MTUS2: variants seen among roughly 807,000 people sequenced by gnomAD.
MTUS2 encodes microtubule associated scaffold protein 2.
MTUS2 carries 40 observed loss-of-function variants against 114.1 expected under a neutral mutation model. The observed-to-expected ratio is 0.35, with a 90% CI of 0.27 to 0.46. The LOEUF (loss-of-function observed/expected upper bound fraction) is 0.46. MTUS2 is among the 20% of genes least tolerant of loss of function. MTUS2 has a pLI of 1.00. For missense variants in MTUS2, 1,679 were observed against 1,705.4 expected, an observed-to-expected ratio of 0.98 and a Z score of 0.27; for synonymous variants, 688 against 672.0, an observed-to-expected ratio of 1.02 and a Z score of -0.37.
chr13:28,995,836 C>T (rs1237053390), intron 2 of MTUS2, among the ~76,000 whole-genome samples: 7 of 152,218 alleles, frequency 4.6e-5, no homozygotes, highest in African/African-American at 1.7e-4. Flanking sequence ...ATCATGTCAT[C>T]TGCAAACTGG....
intron 4 of MTUS2, among the ~76,000 whole-genome samples, chr13:29,071,139 G>C (rs1888904988): frequency 6.6e-6 from 1 of 151,584 alleles, no homozygotes; most frequent in African/African-American, 2.4e-5. Context: ...TGAGTAGCTG[G>C]GACTACAGGT....
At chr13:28,919,484 CT>C (rs1880926556) in intron 2 of MTUS2, among the ~76,000 whole-genome samples, 1 of 151,846 alleles carries the variant, frequency 6.6e-6, no homozygotes, top group South Asian at 2.1e-4. Flanking sequence ...TTTCCTGCTG[CT>C]TTTAGGATTT....
At chr13:29,245,732 T>C (rs943580376) in intron 5 of MTUS2, among the ~76,000 whole-genome samples, 4 of 149,234 alleles carry the variant, frequency 2.7e-5, no homozygotes, top group African/African-American at 9.9e-5. Flanking sequence ...AGTCTCGCTC[T>C]GTCACCCAGG....
chr13:29,272,018 C>G (rs547570013), intron 5 of MTUS2, among the ~76,000 whole-genome samples: 88 of 152,256 alleles, frequency 5.8e-4, no homozygotes, highest in African/African-American at 2.0e-3. Flanking sequence ...AACGTTTTCT[C>G]TGTGGTATCT....
intron 7 of MTUS2, among the ~76,000 whole-genome samples, chr13:29,327,443 C>T (rs956972737): frequency 2.6e-5 from 4 of 152,092 alleles, no homozygotes; most frequent in African/African-American, 7.2e-5. Context: ...CTGATCTGTT[C>T]TGTCACTAGA....
intron 5 of MTUS2, among the ~76,000 whole-genome samples, chr13:29,113,972 G>A (rs975149999): frequency 6.6e-6 from 1 of 152,054 alleles, no homozygotes; most frequent in African/African-American, 2.4e-5. Context: ...GAGTTCCCCC[G>A]AGGTCTGGTC....
intron 9 of MTUS2, among the ~76,000 whole-genome samples, chr13:29,477,390 T>C (rs17073508): frequency 0.017 from 2,579 of 152,300 alleles, 57 homozygotes; most frequent in African/African-American, 0.057. Context: ...GAATCCTGAT[T>C]ACTTTTTCTT....
At chr13:29,448,495 C>T (rs1368095342) in intron 9 of MTUS2, among the ~76,000 whole-genome samples, 2 of 151,964 alleles carry the variant, frequency 1.3e-5, no homozygotes, top group African/African-American at 4.8e-5. Context: ...TTTTTTTCCC[C>T]TTGGTGAGCT....
intron 5 of MTUS2, among the ~76,000 whole-genome samples, chr13:29,215,892 G>C (rs544703258): frequency 6.6e-6 from 1 of 152,336 alleles, no homozygotes; most frequent in East Asian, 1.9e-4. Context: ...TCCCTTAGCA[G>C]AGCTCGAGAA....
chr13:28,975,463 G>A (rs752810194), intron 2 of MTUS2, among the ~76,000 whole-genome samples: 1 of 18,274 alleles, frequency 5.5e-5, no homozygotes, highest in Non-Finnish European at 1.9e-4. Flanking sequence ...TTCCAATCTC[G>A]CCTGCGGCAG....
intron 7 of MTUS2, 65 bp downstream of exon 7, chr13:29,324,776 A>G (rs1900412074): frequency 3.2e-6 from 4 of 1,242,132 alleles, no homozygotes; most frequent in East Asian, 5.1e-5. Flanking sequence ...TCTTATTCAG[A>G]TGTCATTAAT....
At chr13:28,943,277 T>C (rs1002393187) in intron 2 of MTUS2, among the ~76,000 whole-genome samples, 4 of 152,230 alleles carry the variant, frequency 2.6e-5, no homozygotes, top group Non-Finnish European at 5.9e-5. Context: ...AAATTATTCA[T>C]TGGATAAACA....
intron 5 of MTUS2, chr13:29,239,493 GTCT>G (rs1172494018): frequency 2.0e-5 from 3 of 152,124 alleles, no homozygotes; most frequent in Non-Finnish European, 4.4e-5. Flanking sequence ...TGCACAATAT[GTCT>G]TCTTCTATTA....
intron 5 of MTUS2, among the ~76,000 whole-genome samples, chr13:29,275,698 G>C (rs755202458): frequency 1.1e-4 from 17 of 152,288 alleles, no homozygotes; most frequent in Non-Finnish European, 2.1e-4. Context: ...AAATGACAGG[G>C]CTCCATTCTT....
intron 6 of MTUS2, among the ~76,000 whole-genome samples, chr13:29,291,252 G>A (rs1351912003): frequency 6.6e-6 from 1 of 152,124 alleles, no homozygotes; most frequent in Non-Finnish European, 1.5e-5. Context: ...TGTTAACCCT[G>A]TGGTCTCCTC....
At chr13:29,475,204 G>A (rs907193721) in intron 9 of MTUS2, among the ~76,000 whole-genome samples, 1 of 152,200 alleles carries the variant, frequency 6.6e-6, no homozygotes. Context: ...TCTATCACCC[G>A]GTGACGTCAG....
chr13:29,306,069 C>T (rs1899437865), intron 6 of MTUS2, among the ~76,000 whole-genome samples: 1 of 152,134 alleles, frequency 6.6e-6, no homozygotes, highest in Non-Finnish European at 1.5e-5. Flanking sequence ...CAGAAAAGGC[C>T]TTTAATAAAA....
chr13:29,051,971 T>C (rs190416199), intron 4 of MTUS2, among the ~76,000 whole-genome samples: 1 of 152,316 alleles, frequency 6.6e-6, no homozygotes, highest in Non-Finnish European at 1.5e-5. Flanking sequence ...TTAACAATAA[T>C]TTGACAACAC....
chr13:29,015,684 C>G (rs1886034653), intron 2 of MTUS2, among the ~76,000 whole-genome samples: 1 of 151,954 alleles, frequency 6.6e-6, no homozygotes, highest in Admixed American at 6.6e-5. Context: ...TGAAGACAAC[C>G]TAAACTCTAA....
Sources: gnomAD v4.1 joint callset for allele counts (sites outside exome capture counted in the v4.1 genomes callset) on GRCh38, gnomAD v4.1.1 for gene constraint, MANE v1.5 for transcripts, NCBI Gene and HGNC (gene_info 2026-07-23, HGNC 2026-07-21) for gene names.